The following AHCYL2 variants were observed in gnomAD, a reference collection of about 807,000 sequenced individuals.
The protein encoded by AHCYL2 is adenosylhomocysteinase like 2, also known as S-adenosylhomocysteine hydrolase-like protein 2.
Under a neutral mutation model 81.4 loss-of-function variants are expected in AHCYL2, and 28 were observed. The ratio of observed to expected loss-of-function variants is 0.34; its 90% confidence interval spans 0.25 to 0.47. The LOEUF (loss-of-function observed/expected upper bound fraction) is 0.47, where lower values mean the gene tolerates loss of function less well. AHCYL2 is among the 20% of genes least tolerant of loss of function. The probability of loss-of-function intolerance (pLI) is 1.00; values close to 1 mark genes in which losing one functional copy is unlikely to be tolerated. For synonymous variants in AHCYL2, 272 were observed against 290.2 expected (o/e 0.94, Z 0.64); for missense variants, 551 against 785.1 (o/e 0.70, Z 3.56).
In AHCYL2 at chr7:129,406,575, GC is replaced by G; in HGVS notation, c.1295+111del. On this transcript the variant is annotated intron_variant, in intron 10 of 16. Transcript: ENST00000325006. This position sits in a 1 kb window ranked among gnomAD's most constrained non-coding sequence, Gnocchi z 4.3. ...AGGAGCCCAGATCCTCAGAGATGCTGCCACTAACTCTAAGCATCTGTCTTTT... is the reference window on the plus strand; with the variant it reads ...AGGAGCCCAGATCCTCAGAGATGCTGCACTAACTCTAAGCATCTGTCTTTT... 9.8e-7 allele frequency: 1 copy of G among 1,015,510 alleles called. No individual in the cohort carries two copies. Among genetic ancestry groups the G allele is most frequent in the South Asian group, 1.3e-5 (1 of 74,940 alleles). 62.9% of individuals were successfully genotyped at this position (1,015,510 alleles called of 1,614,324 possible). A position where few individuals can be genotyped will look rare whatever the true frequency, so the allele number is the denominator to read the frequency against.
intron 1 of AHCYL2, among the ~76,000 whole-genome samples, chr7:129,252,722 G>A (rs1795284422): frequency 6.6e-6 from 1 of 152,108 alleles, no homozygotes; most frequent in Non-Finnish European, 1.5e-5. Context: ...AGCTATGATC[G>A]TGCCACTGCA....
chr7:129,382,250 T>C (rs1166771143), intron 2 of AHCYL2, among the ~76,000 whole-genome samples: 1 of 152,202 alleles, frequency 6.6e-6, no homozygotes, highest in African/African-American at 2.4e-5. Context: ...TGACAAGACA[T>C]ATATGCAAAT....
At chr7:129,343,573 A>G (rs1366891773) in intron 1 of AHCYL2, among the ~76,000 whole-genome samples, 1 of 152,212 alleles carries the variant, frequency 6.6e-6, no homozygotes, top group African/African-American at 2.4e-5. Flanking sequence ...AGAAGCCAAG[A>G]TAATTCTGTG....
chr7:129,382,606 T>TA (rs201136983), intron 2 of AHCYL2, among the ~76,000 whole-genome samples: 88 of 148,626 alleles, frequency 5.9e-4, no homozygotes, highest in Non-Finnish European at 1.0e-3. Flanking sequence ...TTTTATTTAA[T>TA]AAAAAAAAAT....
chr7:129,420,353 A>T (rs1395918457), intron 12 of AHCYL2, among the ~76,000 whole-genome samples: 1 of 152,042 alleles, frequency 6.6e-6, no homozygotes, highest in Non-Finnish European at 1.5e-5. Context: ...AAAAACTGCC[A>T]TTGTCACCAA....
At chr7:129,256,789 A>G (rs1795444106) in intron 1 of AHCYL2, among the ~76,000 whole-genome samples, 1 of 151,814 alleles carries the variant, frequency 6.6e-6, no homozygotes, top group African/African-American at 2.4e-5. Flanking sequence ...CTTGTTCAAA[A>G]GGTTTTTTTT....
intron 1 of AHCYL2, among the ~76,000 whole-genome samples, chr7:129,288,387 A>AGGG (rs1796714677): frequency 6.6e-6 from 1 of 152,134 alleles, no homozygotes; most frequent in Non-Finnish European, 1.5e-5. Context: ...TTATTGAGAC[A>AGGG]GAGTCTCGCA....
intron 1 of AHCYL2, among the ~76,000 whole-genome samples, chr7:129,262,854 A>G (rs1795690044): frequency 6.6e-6 from 1 of 152,206 alleles, no homozygotes; most frequent in African/African-American, 2.4e-5. Flanking sequence ...GAAGAATAGC[A>G]TATAATAAGC....
intron 2 of AHCYL2, among the ~76,000 whole-genome samples, chr7:129,381,803 CATT>C (rs1794966590): frequency 6.6e-6 from 1 of 152,182 alleles, no homozygotes; most frequent in Non-Finnish European, 1.5e-5. Flanking sequence ...ATTTTAAAAA[CATT>C]ATGCCTATCA....
chr7:129,255,108 A>C (rs1033077670), intron 1 of AHCYL2, among the ~76,000 whole-genome samples: 1 of 152,066 alleles, frequency 6.6e-6, no homozygotes, highest in Non-Finnish European at 1.5e-5. Context: ...TAAAAATACA[A>C]AAATTAGCCG....
At chr7:129,369,402 C>T (rs1470400566) in intron 1 of AHCYL2, among the ~76,000 whole-genome samples, 2 of 152,130 alleles carry the variant, frequency 1.3e-5, no homozygotes, top group Non-Finnish European at 2.9e-5. Flanking sequence ...GAAGAAATAA[C>T]TATTGATAAT....
rs188689820 is a variant in AHCYL2 at position 129,375,716 on chromosome 7, C to T, written c.364-3922C>T. On this transcript the variant is annotated intron_variant, in intron 1 of 16. Coordinates refer to ENST00000325006, the MANE Select transcript of AHCYL2 (RefSeq NM_015328.4). Reference sequence around the variant, plus strand: ...ACTGCTGAAGGGGTTGTTGGAGCTGCTTCAGGGATTCCAAGGAAGAGTAGT... The same window carrying T: ...ACTGCTGAAGGGGTTGTTGGAGCTGTTTCAGGGATTCCAAGGAAGAGTAGT... 1.0e-5 allele frequency: 15 copies of T among 1,452,750 alleles called. No individual in the cohort carries two copies. The African/African-American group carries it at 2.0e-4, about 19-fold the overall frequency. The allele number at this position is 1,452,750 out of a possible 1,614,324, so 90.0% of individuals were successfully genotyped here.
At chr7:129,267,676 T>C (rs963979476) in intron 1 of AHCYL2, among the ~76,000 whole-genome samples, 1 of 151,978 alleles carries the variant, frequency 6.6e-6, no homozygotes, top group Non-Finnish European at 1.5e-5. Context: ...GTATTGAAAG[T>C]GAAGAGAGAA....
intron 1 of AHCYL2, among the ~76,000 whole-genome samples, chr7:129,316,423 T>C (rs1411457738): frequency 3.9e-5 from 6 of 152,206 alleles, no homozygotes; most frequent in Non-Finnish European, 7.3e-5. Flanking sequence ...GGCAAATTTA[T>C]ACCTCTCTAA....
rs576630056 is a variant in AHCYL2, at chr7:129,355,181, G to A, written c.364-24457G>A. ...CCCTCATACTGTAAACACGTGTCCT[G>A]TTCATAATCTGTTTAGTGCCATATA... is the stretch of plus-strand genomic sequence containing the variant. On this transcript the variant is annotated intron_variant, in intron 1 of 16. Coordinates refer to ENST00000325006, the MANE Select transcript of AHCYL2 (RefSeq NM_015328.4). Among the ~76,000 whole-genome samples, 19 of 152,200 alleles carry A rather than the reference G, an allele frequency of 1.2e-4. No homozygotes were observed. The South Asian group carries it at 3.9e-3, about 32-fold the overall frequency.
At chr7:129,228,534 A>G (rs1417585771) in intron 1 of AHCYL2, among the ~76,000 whole-genome samples, 3 of 152,344 alleles carry the variant, frequency 2.0e-5, no homozygotes, top group African/African-American at 7.2e-5. Context: ...CAGCAAGCCA[A>G]AAATCTCTAT....
At chr7:129,333,987 A>C (rs757855413) in intron 1 of AHCYL2, among the ~76,000 whole-genome samples, 14 of 152,238 alleles carry the variant, frequency 9.2e-5, no homozygotes, top group Non-Finnish European at 1.8e-4. Context: ...GTATAATATG[A>C]ACCTTGCTTT....
intron 12 of AHCYL2, among the ~76,000 whole-genome samples, chr7:129,417,989 A>G (rs1440062773): frequency 6.6e-6 from 1 of 152,228 alleles, no homozygotes; most frequent in African/African-American, 2.4e-5. Context: ...TTGAGGAGAT[A>G]ACACTTTAAA....
chr7:129,348,241 AT>A (rs1310838739), intron 1 of AHCYL2, among the ~76,000 whole-genome samples: 4 of 152,212 alleles, frequency 2.6e-5, no homozygotes, highest in Admixed American at 2.6e-4. Flanking sequence ...ATATTGGTAT[AT>A]CTATAAAATA....
Sources: allele counts gnomAD v4.1 joint callset (sites outside exome capture counted in the v4.1 genomes callset), GRCh38; gene constraint gnomAD v4.1.1; non-coding constraint Gnocchi (gnomAD v3.1); transcripts MANE v1.5; gene names NCBI Gene and HGNC (gene_info 2026-07-23, HGNC 2026-07-21).